Variants in SMG6 observed in about 807,000 individuals in gnomAD.
SMG6 encodes SMG6 nonsense mediated mRNA decay factor.
A neutral mutation model predicts 142.2 loss-of-function variants in SMG6; 66 were observed. The observed-to-expected ratio is 0.46, with a 90% CI of 0.38 to 0.57. The LOEUF (loss-of-function observed/expected upper bound fraction) is 0.57. Ranked by LOEUF, SMG6 falls within the 20% of genes least tolerant of loss-of-function variation. The probability of loss-of-function intolerance (pLI) is 0.00; values close to 1 mark genes in which losing one functional copy is unlikely to be tolerated. For synonymous variants in SMG6, 779 were observed against 702.4 expected (o/e 1.11, Z -1.72); for missense variants, 1,793 against 1,832.0 (o/e 0.98, Z 0.39).
At chr17:2,115,183 A>C (rs2069469157) in intron 13 of SMG6, among the ~76,000 whole-genome samples, 1 of 151,946 alleles carries the variant, frequency 6.6e-6, no homozygotes, top group African/African-American at 2.4e-5. Flanking sequence ...TAGGTTGAGA[A>C]ACCTAGTCTA....
intron 8 of SMG6, 147 bp downstream of exon 8, chr17:2,282,500 T>C (rs1465395166): frequency 4.0e-5 from 28 of 705,796 alleles, no homozygotes; most frequent in Non-Finnish European, 6.4e-5. Context: ...GAAGCGTACA[T>C]GAGAAGGGAA....
At chr17:2,211,868 C>T (rs1274524905) in intron 10 of SMG6, among the ~76,000 whole-genome samples, 1 of 152,092 alleles carries the variant, frequency 6.6e-6, no homozygotes, top group Non-Finnish European at 1.5e-5. Context: ...ACATCCACAT[C>T]TCTCGCTCCA....
rs769639379 is a variant in SMG6 at position 2,061,529 on chromosome 17, T to G, written c.4223A>C (p.Asp1408Ala). ...GGCCCACGTGAGGAAGGCTGGGATG[T>G]CCCGTACAGGAACATTCCTTGTGAG... ...KALTRNVPVR[D>A]IPAFLTWAQV... The change falls in exon 19 of 19, where the codon GAC becomes GCC. Residue 1408 changes from aspartate (D) to alanine (A), a missense_variant. Physicochemically the swap from Asp to Ala is moderately radical, Grantham distance 126. Transcript: ENST00000263073. The G allele has an allele frequency of 6.3e-7, 1 of 1,575,228 alleles. No homozygotes were observed. The highest frequency in any genetic ancestry group is 1.2e-5 in the South Asian group (1 of 86,068).
chr17:2,171,287 T>A (rs1056871895), intron 13 of SMG6, among the ~76,000 whole-genome samples: 1 of 150,602 alleles, frequency 6.6e-6, no homozygotes, highest in African/African-American at 2.4e-5. Flanking sequence ...ATAATAATAA[T>A]AAAATAAAAT....
chr17:2,216,013 T>A (rs1273177565), intron 10 of SMG6: 2 of 152,300 alleles, frequency 1.3e-5, no homozygotes, highest in African/African-American at 4.8e-5. Flanking sequence ...TTACACCAGC[T>A]GCAGTGCATC....
intron 12 of SMG6, among the ~76,000 whole-genome samples, chr17:2,183,252 G>C (rs1387656618): frequency 6.6e-6 from 1 of 151,182 alleles, no homozygotes. Flanking sequence ...AGGAAGGGAG[G>C]GAAGAAGGAA....
At chr17:2,223,922 CA>C (rs1213065138) in intron 10 of SMG6, among the ~76,000 whole-genome samples, 1 of 148,372 alleles carries the variant, frequency 6.7e-6, no homozygotes. Context: ...ACAGGCAGAG[CA>C]AAAAAAAAGA....
At chr17:2,301,668 C>G (rs2075280441) in intron 1 of SMG6, among the ~76,000 whole-genome samples, 1 of 151,750 alleles carries the variant, frequency 6.6e-6, no homozygotes, top group Admixed American at 6.6e-5. Context: ...CGGTGAAACC[C>G]CGTCTCAACA....
At chr17:2,252,552 C>A (rs2075248858) in intron 8 of SMG6, among the ~76,000 whole-genome samples, 1 of 152,174 alleles carries the variant, frequency 6.6e-6, no homozygotes, top group African/African-American at 2.4e-5. Flanking sequence ...GAATTTTGGT[C>A]ATGCCATTTA....
chr17:2,081,821 C>T lies in SMG6; in HGVS notation c.3670G>A (p.Glu1224Lys), dbSNP rs1285852971. Residue 1224 changes from glutamate to lysine, a missense_variant, in exon 15 of 19, where the codon GAA becomes AAA. By Grantham distance (56) the Glu-to-Lys change is moderately conservative. Transcript: ENST00000263073. The part of the protein sequence containing the change: ...RKIAEQQRRQ[E>K]KIQAVLEDHS... ...CAGGCCGACTTCACCTGGATCTTTTCCTGGCGACGCTGCTGCTCAGCTATC... is the reference window on the plus strand; with the variant it reads ...CAGGCCGACTTCACCTGGATCTTTTTCTGGCGACGCTGCTGCTCAGCTATC... 7 of 1,613,592 alleles carry T rather than the reference C, an allele frequency of 4.3e-6. 1 individual carries two copies. The highest frequency in any genetic ancestry group is 3.3e-4 in the Middle Eastern group (2 of 6,062).
At chr17:2,255,360 C>T (rs1368338771) in intron 8 of SMG6, among the ~76,000 whole-genome samples, 3 of 130,564 alleles carry the variant, frequency 2.3e-5, no homozygotes, top group East Asian at 2.2e-4. Flanking sequence ...GCCGAGATCG[C>T]GCCACTGCAC....
chr17:2,222,725 A>T (rs547412214), intron 10 of SMG6, among the ~76,000 whole-genome samples: 3 of 152,272 alleles, frequency 2.0e-5, no homozygotes, highest in African/African-American at 7.2e-5. Flanking sequence ...AAGGGGTACA[A>T]AAAGAGACCA....
intron 13 of SMG6, among the ~76,000 whole-genome samples, chr17:2,166,765 T>G (rs2071350304): frequency 6.6e-6 from 1 of 152,218 alleles, no homozygotes; most frequent in African/African-American, 2.4e-5. Context: ...GACCTTCAAC[T>G]GAATTCTTCA....
chr17:2,262,137 C>T (rs1342421293), intron 8 of SMG6, among the ~76,000 whole-genome samples: 3 of 152,160 alleles, frequency 2.0e-5, no homozygotes, highest in South Asian at 2.1e-4. Flanking sequence ...CTTTCCCATA[C>T]GCATCAGGAG....
chr17:2,135,469 G>A (rs935238993), intron 13 of SMG6, among the ~76,000 whole-genome samples: 10 of 151,768 alleles, frequency 6.6e-5, no homozygotes, highest in South Asian at 2.1e-4. Flanking sequence ...CTCTTTCCCC[G>A]TCCACCCCCA....
chr17:2,262,706 A>C (rs1452052117), intron 8 of SMG6, among the ~76,000 whole-genome samples: 1 of 152,206 alleles, frequency 6.6e-6, no homozygotes. Context: ...TATTACATTT[A>C]TAACACTTTA....
chr17:2,064,007 G>C (rs1297524374), intron 18 of SMG6, among the ~76,000 whole-genome samples: 1 of 152,160 alleles, frequency 6.6e-6, no homozygotes, highest in Admixed American at 6.5e-5. Flanking sequence ...CTTGAGTAGC[G>C]GCTGTGGGCT....
At chr17:2,172,910 A>G (rs908186288) in intron 12 of SMG6, 51 bp from the exon 13 acceptor site, 11 of 1,542,398 alleles carry the variant, frequency 7.1e-6, no homozygotes, top group African/African-American at 5.4e-5. Flanking sequence ...GACCAGTAAA[A>G]AAAAGTATTC....
intron 10 of SMG6, among the ~76,000 whole-genome samples, chr17:2,198,310 T>G (rs1367539379): frequency 6.6e-6 from 1 of 152,132 alleles, no homozygotes; most frequent in Non-Finnish European, 1.5e-5. Context: ...GGAAAACAGA[T>G]TAGTGGTTGC....
Sources: gnomAD v4.1 joint callset for allele counts (sites outside exome capture counted in the v4.1 genomes callset) on GRCh38, gnomAD v4.1.1 for gene constraint, MANE v1.5 for transcripts, NCBI Gene and HGNC (gene_info 2026-07-23, HGNC 2026-07-21) for gene names.